PDE1C: variants seen among roughly 807,000 people sequenced by gnomAD.
The protein encoded by PDE1C is phosphodiesterase 1C, also known as dual specificity calcium/calmodulin-dependent 3',5'-cyclic nucleotide phosphodiesterase 1C.
PDE1C carries 62 observed loss-of-function variants against 93.1 expected under a neutral mutation model. The observed-to-expected ratio is 0.67, with a 90% CI of 0.54 to 0.82. PDE1C has a LOEUF of 0.82. Among genes scored for constraint, PDE1C ranks in the 40% least tolerant of loss-of-function variants. The pLI is 0.00. For synonymous variants in PDE1C, 325 were observed against 310.1 expected, an observed-to-expected ratio of 1.05 and a Z score of -0.50; for missense variants, 742 against 884.6, an observed-to-expected ratio of 0.84 and a Z score of 2.04.
chr7:32,133,664 A>C (rs1213838675), intron 3 of PDE1C, among the ~76,000 whole-genome samples: 1 of 152,176 alleles, frequency 6.6e-6, no homozygotes, highest in Non-Finnish European at 1.5e-5. Flanking sequence ...CTATGAACCA[A>C]GTTAATTGCC....
intron 1 of PDE1C, among the ~76,000 whole-genome samples, chr7:32,304,479 CTCTG>C (rs1177963420): frequency 6.6e-6 from 1 of 152,186 alleles, no homozygotes; most frequent in Non-Finnish European, 1.5e-5. Flanking sequence ...TCCACTCATC[CTCTG>C]TCTTTCTCTG....
intron 12 of PDE1C, among the ~76,000 whole-genome samples, chr7:31,825,550 C>A (rs2128743200): frequency 6.6e-6 from 1 of 152,140 alleles, no homozygotes; most frequent in East Asian, 1.9e-4. Context: ...ACACTGGAGG[C>A]TCCTGGAGAT....
At chr7:31,638,080 G>A in the PDE1C span, among the ~76,000 whole-genome samples, 1 of 152,146 alleles carries the variant, frequency 6.6e-6, no homozygotes, top group African/African-American at 2.4e-5. Flanking sequence ...AAAGTGTGCA[G>A]GGCCATTTGC....
chr7:31,729,795 C>A, the PDE1C span, among the ~76,000 whole-genome samples: 2 of 152,070 alleles, frequency 1.3e-5, no homozygotes, highest in Non-Finnish European at 2.9e-5. Context: ...CTACTTGGGG[C>A]AAGTTTTTCT....
At chr7:32,125,323 A>T (rs1799516655) in intron 3 of PDE1C, among the ~76,000 whole-genome samples, 1 of 152,190 alleles carries the variant, frequency 6.6e-6, no homozygotes, top group African/African-American at 2.4e-5. Context: ...TTCCTCAAGG[A>T]TCTAGAACCA....
intron 16 of PDE1C, among the ~76,000 whole-genome samples, chr7:31,780,160 T>C (rs1783296565): frequency 1.3e-5 from 2 of 152,154 alleles, no homozygotes; most frequent in African/African-American, 4.8e-5. Flanking sequence ...GGGTGGGACC[T>C]GGGCATGAGG....
intron 1 of PDE1C, among the ~76,000 whole-genome samples, chr7:32,051,947 G>A (rs1793440959): frequency 6.6e-6 from 1 of 152,144 alleles, no homozygotes; most frequent in East Asian, 1.9e-4. Flanking sequence ...TTCTTACAGA[G>A]TAAATGGACA....
chr7:32,005,671 AAAG>A (rs1419340892), intron 2 of PDE1C, among the ~76,000 whole-genome samples: 1 of 151,864 alleles, frequency 6.6e-6, no homozygotes, highest in Non-Finnish European at 1.5e-5. Flanking sequence ...TATTAGTATA[AAAG>A]AAGGGGTTCC....
chr7:32,404,022 C>T (rs1452485101), intron 1 of PDE1C, among the ~76,000 whole-genome samples: 1 of 152,222 alleles, frequency 6.6e-6, no homozygotes, highest in Non-Finnish European at 1.5e-5. Context: ...CCTCCATCTA[C>T]ATACACATGT....
At chr7:31,965,059 C>G (rs1179648031) in intron 2 of PDE1C, among the ~76,000 whole-genome samples, 1 of 152,226 alleles carries the variant, frequency 6.6e-6, no homozygotes. Flanking sequence ...GCCTCTCCTC[C>G]TCCAAAGGAA....
At chr7:32,163,135 G>C (rs1802023563) in intron 3 of PDE1C, among the ~76,000 whole-genome samples, 1 of 152,210 alleles carries the variant, frequency 6.6e-6, no homozygotes, top group African/African-American at 2.4e-5. Context: ...GAGAGTAGGT[G>C]TCCCCAGAAG....
chr7:31,732,319 T>C, the PDE1C span, among the ~76,000 whole-genome samples: 2 of 152,188 alleles, frequency 1.3e-5, no homozygotes, highest in Non-Finnish European at 1.5e-5. Flanking sequence ...TGGGTCACTT[T>C]GGTTAGAATA....
intron 2 of PDE1C, among the ~76,000 whole-genome samples, chr7:31,892,826 A>C (rs2128903248): frequency 6.6e-6 from 1 of 152,320 alleles, no homozygotes; most frequent in South Asian, 2.1e-4. Context: ...AGAAGGAATA[A>C]GTTCTGGTAA....
chr7:31,844,175 CT>C (rs1792257090), intron 9 of PDE1C, among the ~76,000 whole-genome samples: 1 of 151,592 alleles, frequency 6.6e-6, no homozygotes, highest in South Asian at 2.1e-4. Context: ...TCAGTTTATT[CT>C]TTTCTAAAAG....
intron 3 of PDE1C, among the ~76,000 whole-genome samples, chr7:32,141,947 A>AC (rs869258369): frequency 2.7e-5 from 4 of 150,850 alleles, no homozygotes; most frequent in East Asian, 1.9e-4. Context: ...TTTAACACCC[A>AC]CCCCCCAAAA....
chr7:31,829,755 A>G (rs1790142663), intron 11 of PDE1C, among the ~76,000 whole-genome samples: 1 of 152,144 alleles, frequency 6.6e-6, no homozygotes, highest in African/African-American at 2.4e-5. Context: ...AGTACGCACT[A>G]CTGAAAACTG....
At chr7:32,043,558 A>G (rs1033399641) in intron 2 of PDE1C, among the ~76,000 whole-genome samples, 4 of 152,162 alleles carry the variant, frequency 2.6e-5, no homozygotes, top group African/African-American at 9.7e-5. Context: ...ACAACCACAC[A>G]GATACCTGAA....
At chr7:31,820,948 C>G (rs1051387369) in intron 14 of PDE1C, 4 of 150,932 alleles carry the variant, frequency 2.7e-5, no homozygotes, top group African/African-American at 9.8e-5. Flanking sequence ...ACATTATCAT[C>G]CCCAAAGTGA....
At chr7:32,283,061 A>C (rs1483989281) in intron 1 of PDE1C, among the ~76,000 whole-genome samples, 1 of 152,218 alleles carries the variant, frequency 6.6e-6, no homozygotes, top group African/African-American at 2.4e-5. Context: ...CTTTCTACTC[A>C]ACAATTCCTA....
Sources: allele counts gnomAD v4.1 joint callset (sites outside exome capture counted in the v4.1 genomes callset), GRCh38; gene constraint gnomAD v4.1.1; transcripts MANE v1.5; gene names NCBI Gene and HGNC (gene_info 2026-07-23, HGNC 2026-07-21).